The following GALNTL6 variants were observed in gnomAD, a reference collection of about 807,000 sequenced individuals.
GALNTL6 encodes the protein polypeptide N-acetylgalactosaminyltransferase like 6.
In GALNTL6, 46 loss-of-function variants were observed where a neutral mutation model predicts 73.7. That is an observed-to-expected ratio of 0.62 (90% CI 0.49 to 0.80). The LOEUF (loss-of-function observed/expected upper bound fraction) is 0.80. Ranked by LOEUF, GALNTL6 falls within the 30% of genes least tolerant of loss-of-function variation. The pLI is 0.00. For missense variants in GALNTL6, 604 were observed against 755.0 expected (o/e 0.80, Z 2.34); for synonymous variants, 259 against 263.7 (o/e 0.98, Z 0.17).
chr4:172,380,463 C>G, intron 5 of GALNTL6: 1 of 509,456 alleles, frequency 2.0e-6, no homozygotes, highest in South Asian at 1.8e-5. Flanking sequence ...GTTTCCTTGA[C>G]GATCCTGCTG....
chr4:172,794,139 GC>G (rs1162195223), intron 5 of GALNTL6, among the ~76,000 whole-genome samples: 1 of 152,134 alleles, frequency 6.6e-6, no homozygotes, highest in Non-Finnish European at 1.5e-5. Flanking sequence ...CTAATAAACA[GC>G]CCTGCTGTAG....
rs537829639 is a variant in GALNTL6 at position 171,911,203 on chromosome 4, A to T, written c.138+96485A>T. ...GAGACAGAGTCTCACTCTGTCACCC[A>T]GGCTGGAGTGCATTGGCACGATCCG... On this transcript the variant is annotated intron_variant, in intron 2 of 12. Transcript: ENST00000506823. Among the ~76,000 whole-genome samples the T allele has an allele frequency of 2.0e-5, 3 of 152,284 alleles. No homozygotes were observed. The South Asian group carries it at 6.2e-4, about 32-fold the overall frequency.
chr4:172,928,414 C>T (rs1324308556), intron 8 of GALNTL6, among the ~76,000 whole-genome samples: 1 of 152,092 alleles, frequency 6.6e-6, no homozygotes, highest in Middle Eastern at 3.2e-3. Flanking sequence ...GAATTGTGAG[C>T]ATTACATGAA....
At chr4:172,204,938 T>A (rs1736059557) in intron 2 of GALNTL6, among the ~76,000 whole-genome samples, 1 of 152,174 alleles carries the variant, frequency 6.6e-6, no homozygotes, top group African/African-American at 2.4e-5. Context: ...CAATTTCTAT[T>A]GATGAAGAAG....
At chr4:172,950,442 T>C (rs1162276937) in intron 9 of GALNTL6, among the ~76,000 whole-genome samples, 1 of 152,192 alleles carries the variant, frequency 6.6e-6, no homozygotes, top group Non-Finnish European at 1.5e-5. Flanking sequence ...GCTCTGTCTC[T>C]TTTCTGCATC....
At chr4:172,327,545 C>CT (rs1435829062) in intron 4 of GALNTL6, among the ~76,000 whole-genome samples, 1 of 152,090 alleles carries the variant, frequency 6.6e-6, no homozygotes, top group African/African-American at 2.4e-5. Flanking sequence ...TGGTAGGTCT[C>CT]TAACGACTTG....
chr4:172,785,533 C>T (rs1234114515), intron 5 of GALNTL6, among the ~76,000 whole-genome samples: 2 of 151,848 alleles, frequency 1.3e-5, no homozygotes, highest in African/African-American at 4.8e-5. Context: ...TCCAGGTACT[C>T]GAGTTATAGC....
chr4:172,203,835 C>T (rs937020361), intron 2 of GALNTL6, among the ~76,000 whole-genome samples: 1 of 152,136 alleles, frequency 6.6e-6, no homozygotes, highest in African/African-American at 2.4e-5. Context: ...CAACCTCTGC[C>T]TCCTGGGTTA....
chr4:172,755,365 A>G (rs914196792), intron 5 of GALNTL6, among the ~76,000 whole-genome samples: 1 of 151,906 alleles, frequency 6.6e-6, no homozygotes, highest in Non-Finnish European at 1.5e-5. Flanking sequence ...ATACCACTCA[A>G]TCAAAGTTTT....
At chr4:171,889,521 G>A (rs1736701827) in intron 2 of GALNTL6, among the ~76,000 whole-genome samples, 1 of 152,048 alleles carries the variant, frequency 6.6e-6, no homozygotes, top group Non-Finnish European at 1.5e-5. Flanking sequence ...GAGTCTATAA[G>A]AAAATCAGCT....
chr4:172,511,241 A>G lies in GALNTL6; in HGVS notation c.553+162552A>G, dbSNP rs1268201063. Among the ~76,000 whole-genome samples, 5 of 54,774 alleles carry G rather than the reference A, an allele frequency of 9.1e-5. 2 individuals carry two copies. Among genetic ancestry groups the G allele is most frequent in the African/African-American group, 2.3e-4 (5 of 22,096 alleles). The allele number at this position is 54,774 out of a possible 152,430, so 35.9% of individuals were successfully genotyped here. A position where few individuals can be genotyped will look rare whatever the true frequency, so the allele number is the denominator to read the frequency against. The stretch of plus-strand genomic sequence containing the variant: ...CTAGTTTGTGCACATAAATATATTC[A>G]TAGTAGCCTTCAATGATCTTTTGTG... On this transcript the variant is annotated intron_variant, in intron 5 of 12. Transcript: ENST00000506823.
chr4:172,169,455 A>T (rs1443567749), intron 2 of GALNTL6, among the ~76,000 whole-genome samples: 2 of 152,164 alleles, frequency 1.3e-5, no homozygotes, highest in South Asian at 2.1e-4. Flanking sequence ...TGTCATAGTG[A>T]TGTAGTTTGA....
At chr4:172,360,918 C>G (rs968192913) in intron 5 of GALNTL6, among the ~76,000 whole-genome samples, 1 of 152,150 alleles carries the variant, frequency 6.6e-6, no homozygotes, top group Non-Finnish European at 1.5e-5. Context: ...GAAGCAATTG[C>G]TTTCAAGTCC....
At chr4:172,212,187 A>G (rs1479330155) in intron 2 of GALNTL6, among the ~76,000 whole-genome samples, 1 of 151,732 alleles carries the variant, frequency 6.6e-6, no homozygotes, top group African/African-American at 2.4e-5. Context: ...CTTTTGACCA[A>G]GACTCTCTCT....
chr4:172,783,103 G>C (rs1579475899), intron 5 of GALNTL6, among the ~76,000 whole-genome samples: 1 of 151,140 alleles, frequency 6.6e-6, no homozygotes, highest in Non-Finnish European at 1.5e-5. Context: ...AGGTTTTTCT[G>C]AATTGGACCT....
chr4:171,961,141 T>C (rs919653541), intron 2 of GALNTL6, among the ~76,000 whole-genome samples: 2 of 152,122 alleles, frequency 1.3e-5, no homozygotes, highest in African/African-American at 4.8e-5. Flanking sequence ...GTAGCACCAA[T>C]TCTCCAATTG....
chr4:172,192,285 G>T (rs57847445), intron 2 of GALNTL6, among the ~76,000 whole-genome samples: 2 of 151,974 alleles, frequency 1.3e-5, no homozygotes, highest in Non-Finnish European at 2.9e-5. Flanking sequence ...CAATGGTTTC[G>T]ATATGCAAAG....
chr4:173,003,329 G>T (rs923031940), intron 10 of GALNTL6, among the ~76,000 whole-genome samples: 6 of 152,192 alleles, frequency 3.9e-5, no homozygotes, highest in African/African-American at 9.6e-5. Context: ...GATCTTGGGG[G>T]ATTGTGTAAG....
intron 7 of GALNTL6, among the ~76,000 whole-genome samples, chr4:172,829,066 G>T (rs888521732): frequency 2.0e-5 from 3 of 152,186 alleles, no homozygotes; most frequent in African/African-American, 7.2e-5. Flanking sequence ...CATCGCTCTG[G>T]TGTACTCCCG....
Sources: gnomAD v4.1 joint callset for allele counts (sites outside exome capture counted in the v4.1 genomes callset) on GRCh38, gnomAD v4.1.1 for gene constraint, MANE v1.5 for transcripts, NCBI Gene and HGNC (gene_info 2026-07-23, HGNC 2026-07-21) for gene names.